MTO1: variants seen among roughly 807,000 people sequenced by gnomAD.
MTO1 encodes 5-taurinomethyluridine-[tRNA] synthase subunit MTO1, mitochondrial.
MTO1 carries 46 observed loss-of-function variants against 71.6 expected under a neutral mutation model. That is an observed-to-expected ratio of 0.64 (90% CI 0.51 to 0.82). The LOEUF (loss-of-function observed/expected upper bound fraction) is 0.82. Among genes scored for constraint, MTO1 ranks in the 40% least tolerant of loss-of-function variants. The pLI is 0.00. For synonymous variants in MTO1, 297 were observed against 312.1 expected (o/e 0.95, Z 0.51); for missense variants, 773 against 867.5 (o/e 0.89, Z 1.37).
Position 73,497,883 on chromosome 6 carries a change from G to T in MTO1, c.1904G>T (p.Ser635Ile), listed in dbSNP as rs1343087467. 1 of 1,611,690 alleles carries T rather than the reference G, an allele frequency of 6.2e-7. No homozygotes were observed. ...GAAGTTCGAGAGAAACTACATTTTAGTCGTCCACAGACGGTAAGAAAATAG... is the reference window on the plus strand; with the variant it reads ...GAAGTTCGAGAGAAACTACATTTTATTCGTCCACAGACGGTAAGAAAATAG... ...SHEVREKLHFSRPQTIGAASR... is the reference protein window; with the variant it reads ...SHEVREKLHFIRPQTIGAASR... The change falls in exon 11 of 12, where the codon AGT (serine) becomes ATT (isoleucine). Residue 635 changes from serine to isoleucine, a missense_variant. By Grantham distance (142) the Ser-to-Ile change is moderately radical (BLOSUM62 -2). Transcript: ENST00000498286.
intron 7 of MTO1, among the ~76,000 whole-genome samples, chr6:73,481,792 G>A (rs775388326): frequency 1.3e-5 from 2 of 151,976 alleles, no homozygotes; most frequent in African/African-American, 4.8e-5. Flanking sequence ...ATTAGTCCCC[G>A]CAGAGTGCAG....
chr6:73,482,592 A>G lies in MTO1; in HGVS notation c.1609A>G (p.Ile537Val), dbSNP rs149727324. Residue 537 changes from isoleucine (I) to valine (V), a missense_variant, in exon 9 of 12, where the codon ATA becomes GTA. Physicochemically the swap from Ile to Val is conservative, Grantham distance 29 (BLOSUM62 3). Coordinates refer to ENST00000498286, the MANE Select transcript of MTO1 (RefSeq NM_012123.4). ...GAAAAAATTAATCCCAGAGGCTTCT[A>G]TAAGTACTAGTAGAAGTCTGCCTGT... ...KWKKLIPEAS[I>V]STSRSLPVRA... 4.0e-5 allele frequency: 64 copies of G among 1,609,906 alleles called. No homozygotes were observed. In the South Asian group the frequency reaches 5.4e-4, roughly 14 times the overall value.
At chr6:73,490,608 A>G (rs958980365) in intron 9 of MTO1, among the ~76,000 whole-genome samples, 8 of 151,994 alleles carry the variant, frequency 5.3e-5, no homozygotes, top group African/African-American at 1.9e-4. Flanking sequence ...GCTTTGTAAT[A>G]TGTTTGAAAT....
chr6:73,497,154 A>ATTTTTTTTTTTT lies in MTO1; in HGVS notation c.1757-580_1757-579insTTTTTTTTTTTT, dbSNP rs1249968654. 7.3e-4 allele frequency among the ~76,000 whole-genome samples: 22 copies of ATTTTTTTTTTTT among 30,320 alleles called. 3 individuals carry two copies. Among genetic ancestry groups the ATTTTTTTTTTTT allele is most frequent in the Admixed American group, 1.6e-3 (5 of 3,192 alleles). 19.9% of individuals were successfully genotyped at this position (30,320 alleles called of 152,430 possible). On this transcript the variant is annotated intron_variant, in intron 10 of 11. Transcript: ENST00000498286. ...AGATTTGCACTGACAGCGGAAGCAA[A>ATTTTTTTTTTTT]TTCTTTTTTTTTTTTTGAGACAGAG...
At position 73,482,532 on chromosome 6, in the gene MTO1, G is replaced by A. The variant is rs139608228; in HGVS notation, c.1549G>A (p.Val517Met). The change falls in exon 9 of 12, where the codon GTG becomes ATG. Residue 517 changes from valine to methionine, a missense_variant. Coordinates refer to ENST00000498286, the MANE Select transcript of MTO1 (RefSeq NM_012123.4). ...GTCTTCTTTAGAAGAAGGCATTTCT[G>A]TGTTGAAATCTATTGAGTTTTTGAG... ...MKSSLEEGIS[V>M]LKSIEFLSSK... 1.7e-3 allele frequency: 2,762 copies of A among 1,612,684 alleles called. 7 individuals carry two copies. The highest frequency in any genetic ancestry group is 1.8e-3 in the Non-Finnish European group (2,070 of 1,179,696).
chr6:73,469,137 TG>T (rs1210851758), intron 3 of MTO1, among the ~76,000 whole-genome samples: 1 of 152,084 alleles, frequency 6.6e-6, no homozygotes, highest in Non-Finnish European at 1.5e-5. Context: ...CCCAAGTAGC[TG>T]GGACTATAGG....
At chr6:73,480,498 G>A (rs1771457271) in intron 6 of MTO1, 177 bp from the exon 7 acceptor site, 3 of 693,864 alleles carry the variant, frequency 4.3e-6, no homozygotes, top group Admixed American at 2.5e-5. Flanking sequence ...TCAAACTCCC[G>A]ACCTCAGGTG....
chr6:73,480,298 G>A (rs1240412153), intron 6 of MTO1, 172 bp downstream of exon 6: 3 of 811,374 alleles, frequency 3.7e-6, no homozygotes, highest in Non-Finnish European at 4.1e-6. Flanking sequence ...TTGAGACGGA[G>A]TTTTGCTCTT....
intron 3 of MTO1, 50 bp downstream of exon 3, chr6:73,466,656 G>C (rs1157895844): frequency 6.6e-7 from 1 of 1,506,434 alleles, no homozygotes; most frequent in Non-Finnish European, 9.2e-7. Context: ...CAAATTCCAT[G>C]TGAGAAATTT....
At position 73,480,708 on chromosome 6, in the gene MTO1, G is replaced by A. The variant is rs947813456; in HGVS notation, c.1163G>A (p.Arg388His). ...YGVQYDYLDP[R>H]QITPSLETHL... ...GTTCAGTATGATTACTTAGATCCCC[G>A]TCAGATCACCCCTTCCTTGGAGACT... Residue 388 changes from arginine to histidine, a missense_variant, in exon 7 of 12, where the codon CGT (arginine) becomes CAT (histidine). By Grantham distance (29) the Arg-to-His change is conservative (BLOSUM62 0). Coordinates refer to ENST00000498286, the MANE Select transcript of MTO1 (RefSeq NM_012123.4). The A allele has an allele frequency of 1.6e-5, 26 of 1,613,680 alleles. No individual in the cohort carries two copies. Among genetic ancestry groups the A allele is most frequent in the African/African-American group, 6.7e-5 (5 of 74,854 alleles).
chr6:73,489,285 T>TC (rs957544967), intron 9 of MTO1, among the ~76,000 whole-genome samples: 11 of 150,392 alleles, frequency 7.3e-5, no homozygotes, highest in African/African-American at 2.7e-4. Context: ...TTTCTTTTTT[T>TC]TTTTTGTATA....
chr6:73,475,913 C>T (rs774281436), intron 4 of MTO1, among the ~76,000 whole-genome samples: 4 of 152,082 alleles, frequency 2.6e-5, no homozygotes, highest in South Asian at 4.1e-4. Flanking sequence ...GCTTTTGAAA[C>T]GATATCAGGT....
chr6:73,474,735 T>C (rs1293415465), intron 4 of MTO1, among the ~76,000 whole-genome samples: 1 of 151,616 alleles, frequency 6.6e-6, no homozygotes, highest in Admixed American at 6.6e-5. Context: ...ATTACAGATG[T>C]GAGCCACTGC....
At chr6:73,464,912 G>A (rs1287634994) in intron 1 of MTO1, among the ~76,000 whole-genome samples, 1 of 147,398 alleles carries the variant, frequency 6.8e-6, no homozygotes, top group East Asian at 2.1e-4. Flanking sequence ...TGTGGATATT[G>A]ACATAACTTG....
intron 3 of MTO1, among the ~76,000 whole-genome samples, chr6:73,469,378 A>T (rs1404565971): frequency 1.3e-5 from 2 of 151,900 alleles, no homozygotes; most frequent in Non-Finnish European, 1.5e-5. Flanking sequence ...TAATCCCAGC[A>T]CTTTGGGAGG....
rs1021123233 is a variant in MTO1, at chr6:73,502,959, G to T, written c.*2224G>T. 1 of 151,982 alleles carries T rather than the reference G, an allele frequency of 6.6e-6. No individual in the cohort carries two copies. The highest frequency in any genetic ancestry group is 2.4e-5 in the African/African-American group (1 of 41,374). The allele number at this position is 151,982 out of a possible 1,614,324, so 9.4% of individuals were successfully genotyped here. On this transcript the variant is annotated 3_prime_UTR_variant, in exon 12 of 12. Transcript: ENST00000498286. Reference sequence around the variant, plus strand: ...GAGGTTCTTGACAGCTACAATTTGGGGCTAGTGACACTATACACATATAAA... The same window carrying T: ...GAGGTTCTTGACAGCTACAATTTGGTGCTAGTGACACTATACACATATAAA...
intron 9 of MTO1, chr6:73,486,681 T>A (rs992751377): frequency 1.0e-5 from 4 of 382,970 alleles, no homozygotes; most frequent in Admixed American, 2.9e-5. Flanking sequence ...GAGGTTGCAG[T>A]GAGCCGAGAT....
Position 73,482,530 on chromosome 6 carries a change from C to T in MTO1, c.1547C>T (p.Ser516Phe). ...AAGTCTTCTTTAGAAGAAGGCATTT[C>T]TGTGTTGAAATCTATTGAGTTTTTG... ...WMKSSLEEGISVLKSIEFLSS... is the reference protein window; with the variant it reads ...WMKSSLEEGIFVLKSIEFLSS... Residue 516 changes from serine to phenylalanine, a missense_variant, in exon 9 of 12, where the codon TCT (serine) becomes TTT (phenylalanine). Coordinates refer to ENST00000498286, the MANE Select transcript of MTO1 (RefSeq NM_012123.4). 1 of 1,612,708 alleles carries T rather than the reference C, an allele frequency of 6.2e-7. No homozygotes were observed. Among genetic ancestry groups the T allele is most frequent in the Non-Finnish European group, 8.5e-7 (1 of 1,179,690 alleles).
chr6:73,485,903 C>T (rs1771639129), intron 9 of MTO1, among the ~76,000 whole-genome samples: 1 of 152,176 alleles, frequency 6.6e-6, no homozygotes, highest in Non-Finnish European at 1.5e-5. Flanking sequence ...AGAAGAGATA[C>T]ACAAATGCAT....
Sources: allele counts gnomAD v4.1 joint callset (sites outside exome capture counted in the v4.1 genomes callset), GRCh38; gene constraint gnomAD v4.1.1; transcripts MANE v1.5; gene names NCBI Gene and HGNC (gene_info 2026-07-23, HGNC 2026-07-21).